ENOX1: variants seen among roughly 807,000 people sequenced by gnomAD.
ENOX1 encodes ecto-NOX disulfide-thiol exchanger 1, also known as candidate growth-related and time keeping constitutive hydroquinone (NADH) oxidase.
In ENOX1, 42 loss-of-function variants were observed where a neutral mutation model predicts 82.5. The observed-to-expected ratio is 0.51, with a 90% CI of 0.40 to 0.66. ENOX1 has a LOEUF of 0.66. Among genes scored for constraint, ENOX1 ranks in the 30% least tolerant of loss-of-function variants. ENOX1 has a pLI of 0.00. For synonymous variants in ENOX1, 271 were observed against 282.2 expected, an observed-to-expected ratio of 0.96 and a Z score of 0.40; for missense variants, 608 against 811.6, an observed-to-expected ratio of 0.75 and a Z score of 3.05.
intron 2 of ENOX1, among the ~76,000 whole-genome samples, chr13:43,568,767 A>AT (rs2080036550): frequency 6.7e-6 from 1 of 148,810 alleles, no homozygotes; most frequent in Non-Finnish European, 1.5e-5. Context: ...TATAATTATT[A>AT]TTTTCATCCC....
At chr13:43,655,534 C>T (rs2084389985) in intron 2 of ENOX1, among the ~76,000 whole-genome samples, 1 of 152,192 alleles carries the variant, frequency 6.6e-6, no homozygotes, top group Admixed American at 6.5e-5. Flanking sequence ...AACTGTCTTC[C>T]TCCTGTCTGA....
chr13:43,229,959 T>C (rs1007892676), intron 15 of ENOX1, among the ~76,000 whole-genome samples: 16 of 152,126 alleles, frequency 1.1e-4, no homozygotes, highest in African/African-American at 3.9e-4. Flanking sequence ...GTGAAGAATA[T>C]TAAATGGCAG....
chr13:43,568,705 G>C (rs755153145), intron 2 of ENOX1, among the ~76,000 whole-genome samples: 1 of 136,878 alleles, frequency 7.3e-6, no homozygotes, highest in African/African-American at 2.7e-5. Context: ...TTTTTTTCTG[G>C]GTCTGCCAAA....
intron 2 of ENOX1, among the ~76,000 whole-genome samples, chr13:43,616,038 G>C (rs566651420): frequency 1.7e-5 from 2 of 118,570 alleles, no homozygotes; most frequent in Non-Finnish European, 3.6e-5. Context: ...ATTGTGAACA[G>C]TGCTGCAATA....
At chr13:43,325,321 C>G (rs187830549) in intron 10 of ENOX1, among the ~76,000 whole-genome samples, 3 of 152,304 alleles carry the variant, frequency 2.0e-5, no homozygotes, top group African/African-American at 7.2e-5. Flanking sequence ...TCCTTCTTAA[C>G]AATAAATTGC....
chr13:43,356,051 T>G lies in ENOX1; in HGVS notation c.691A>C (p.Lys231Gln). The G allele has an allele frequency of 6.2e-7, 1 of 1,614,158 alleles. No homozygotes were observed. The highest frequency in any genetic ancestry group is 8.5e-7 in the Non-Finnish European group (1 of 1,180,022). ...ARDDFYEWEC[K>Q]QRMRAREERH... ...TCCTCCCGGGCACGCATCCTCTGCT[T>G]GCATTCCCACTCATAGAAGTCATCC... Residue 231 changes from lysine to glutamine, a missense_variant, in exon 8 of 17, where the codon AAG becomes CAG. Physicochemically the swap from Lys to Gln is moderately conservative, Grantham distance 53. Coordinates refer to ENST00000690772, the MANE Select transcript of ENOX1 (RefSeq NM_001347969.2).
At chr13:43,348,253 T>A (rs2049528716) in intron 8 of ENOX1, among the ~76,000 whole-genome samples, 1 of 152,254 alleles carries the variant, frequency 6.6e-6, no homozygotes, top group Non-Finnish European at 1.5e-5. Context: ...ATTCCCCGCA[T>A]ATCCTGCTAT....
At chr13:43,557,240 C>T (rs1739390496) in intron 2 of ENOX1, among the ~76,000 whole-genome samples, 1 of 152,140 alleles carries the variant, frequency 6.6e-6, no homozygotes, top group Non-Finnish European at 1.5e-5. Flanking sequence ...CAAAACTGTA[C>T]AGAAAGAAAT....
At chr13:43,534,389 T>C (rs2078362148) in intron 2 of ENOX1, among the ~76,000 whole-genome samples, 1 of 152,052 alleles carries the variant, frequency 6.6e-6, no homozygotes. Context: ...AATAGTTCAG[T>C]GATTTCCACA....
chr13:43,712,084 GAATT>G (rs1481753212), intron 1 of ENOX1, among the ~76,000 whole-genome samples: 1 of 151,720 alleles, frequency 6.6e-6, no homozygotes, highest in East Asian at 1.9e-4. Context: ...AATCCATCTG[GAATT>G]AATTTTTGTA....
At chr13:43,460,601 C>T (rs1200295092) in intron 3 of ENOX1, among the ~76,000 whole-genome samples, 9 of 151,804 alleles carry the variant, frequency 5.9e-5, no homozygotes, top group African/African-American at 2.4e-5. Flanking sequence ...GACACCATCC[C>T]GGCTAACACG....
chr13:43,472,226 C>A lies in ENOX1; in HGVS notation c.-75+11783G>T, dbSNP rs533025132. The stretch of plus-strand genomic sequence containing the variant: ...AATAAGCACTGAATAAATGTTTTAG[C>A]TACTATTTTTAGTAAGCATAGAACG... On this transcript the variant is annotated intron_variant, in intron 3 of 16. Coordinates refer to ENST00000690772, the MANE Select transcript of ENOX1 (RefSeq NM_001347969.2). 2.0e-5 allele frequency among the ~76,000 whole-genome samples: 3 copies of A among 152,152 alleles called. No individual in the cohort carries two copies. In the East Asian group the frequency reaches 5.8e-4, roughly 29 times the overall value.
At chr13:43,663,022 A>G (rs2084809813) in intron 2 of ENOX1, among the ~76,000 whole-genome samples, 1 of 152,224 alleles carries the variant, frequency 6.6e-6, no homozygotes, top group Non-Finnish European at 1.5e-5. Flanking sequence ...AAGAGAGCAA[A>G]GTAACCAATT....
chr13:43,694,596 G>C (rs1353405898), intron 1 of ENOX1, among the ~76,000 whole-genome samples: 1 of 152,200 alleles, frequency 6.6e-6, no homozygotes, highest in Non-Finnish European at 1.5e-5. Flanking sequence ...GTAAAAAGGG[G>C]ATGATAATAT....
chr13:43,709,132 T>C (rs180767447), intron 1 of ENOX1, among the ~76,000 whole-genome samples: 10 of 152,134 alleles, frequency 6.6e-5, no homozygotes, highest in South Asian at 4.1e-4. Flanking sequence ...ACAAAAGAAA[T>C]AGAACCTTGA....
chr13:43,416,670 A>G (rs181533709), intron 3 of ENOX1, among the ~76,000 whole-genome samples: 7 of 122,040 alleles, frequency 5.7e-5, no homozygotes, highest in East Asian at 2.7e-4. Flanking sequence ...GGGCAGAGGC[A>G]CTCCTCACTT....
At chr13:43,217,677 C>T (rs1356383497) in intron 16 of ENOX1, among the ~76,000 whole-genome samples, 1 of 152,192 alleles carries the variant, frequency 6.6e-6, no homozygotes, top group Non-Finnish European at 1.5e-5. Flanking sequence ...TCAGTAACCT[C>T]TTCCAGTTTA....
At chr13:43,685,199 C>T (rs919110371) in intron 1 of ENOX1, among the ~76,000 whole-genome samples, 1 of 152,198 alleles carries the variant, frequency 6.6e-6, no homozygotes, top group African/African-American at 2.4e-5. Flanking sequence ...TCATACTTCA[C>T]TATATCCGGA....
chr13:43,472,512 C>T (rs570637213), intron 3 of ENOX1, among the ~76,000 whole-genome samples: 16 of 152,222 alleles, frequency 1.1e-4, no homozygotes, highest in East Asian at 7.7e-4. Flanking sequence ...TTCTAACACA[C>T]GGCACGGTGC....
Sources: allele counts gnomAD v4.1 joint callset (sites outside exome capture counted in the v4.1 genomes callset), GRCh38; gene constraint gnomAD v4.1.1; transcripts MANE v1.5; gene names NCBI Gene and HGNC (gene_info 2026-07-23, HGNC 2026-07-21).